The following GREB1 variants were observed in gnomAD, a reference collection of about 807,000 sequenced individuals.
The protein encoded by GREB1 is protein GREB1.
GREB1 carries 106 observed loss-of-function variants against 200.7 expected under a neutral mutation model. That is an observed-to-expected ratio of 0.53 (90% CI 0.45 to 0.62). The LOEUF is 0.62. Among genes scored for constraint, GREB1 ranks in the 20% least tolerant of loss-of-function variants. The probability of loss-of-function intolerance (pLI) is 0.00; values close to 1 mark genes in which losing one functional copy is unlikely to be tolerated. For missense variants in GREB1, 2,243 were observed against 2,556.8 expected (o/e 0.88, Z 2.65); for synonymous variants, 1,132 against 1,092.4 (o/e 1.04, Z -0.72).
intron 1 of GREB1, among the ~76,000 whole-genome samples, chr2:11,539,248 A>T (rs1470702279): frequency 6.6e-6 from 1 of 151,576 alleles, no homozygotes; most frequent in Non-Finnish European, 1.5e-5. Flanking sequence ...ATGTGGTCTC[A>T]TTATGTTGCC....
In GREB1 at chr2:11,580,818, G is replaced by A; in HGVS notation, c.887G>A (p.Arg296Gln). The A allele has an allele frequency of 3.7e-6, 6 of 1,614,226 alleles. No individual in the cohort carries two copies. Among genetic ancestry groups the A allele is most frequent in the Non-Finnish European group, 4.2e-6 (5 of 1,180,044 alleles). ...AAGAATAACCTGTTGGCCCTGCCGC[G>A]ACCATCGGCTTTAGGTAGCTCTGCC... ...LAKNNLLALP[R>Q]PSALGILSNS... The change falls in exon 7 of 33, where the codon CGA becomes CAA. Residue 296 changes from arginine to glutamine, a missense_variant. By Grantham distance (43) the Arg-to-Gln change is conservative. This residue lies in a region of GREB1 where 1,178 missense variants were observed against 1,387.4 expected (regional missense o/e 0.85). Transcript: ENST00000381486. This position sits in a 1 kb window ranked among gnomAD's most constrained non-coding sequence, Gnocchi z 4.5.
chr2:11,488,779 G>A, intron 1 of GREB1, among the ~76,000 whole-genome samples: 1 of 109,730 alleles, frequency 9.1e-6, no homozygotes, highest in Non-Finnish European at 1.8e-5. Context: ...CAACAAGAGT[G>A]AAACTCCGTC....
In GREB1 at chr2:11,604,744, G is replaced by A. The variant is rs1029181381; in HGVS notation, c.2666+2202G>A. Among the ~76,000 whole-genome samples, 12 of 152,248 alleles carry A rather than the reference G, an allele frequency of 7.9e-5. No individual in the cohort carries two copies. The East Asian group carries it at 1.9e-3, about 24-fold the overall frequency. ...AGGTTTGACATCTTTCCACCATACCGCACTGCCTTTACTAGGAATCATTTG... is the reference window on the plus strand; with the variant it reads ...AGGTTTGACATCTTTCCACCATACCACACTGCCTTTACTAGGAATCATTTG... On this transcript the variant is annotated intron_variant, in intron 17 of 32. Transcript: ENST00000381486.
intron 9 of GREB1, among the ~76,000 whole-genome samples, chr2:11,586,961 G>T (rs17529680): frequency 0.24 from 35,828 of 152,046 alleles, 5,263 homozygotes; most frequent in Admixed American, 0.38. Context: ...GAAGACCACG[G>T]TGCTCAGGAA....
chr2:11,589,194 C>T (rs184646197), intron 10 of GREB1, among the ~76,000 whole-genome samples: 1 of 152,300 alleles, frequency 6.6e-6, no homozygotes, highest in East Asian at 1.9e-4. Context: ...GGGAATTGAG[C>T]AAAGACCCTG....
intron 5 of GREB1, among the ~76,000 whole-genome samples, chr2:11,576,865 T>C (rs1678914462): frequency 6.6e-6 from 1 of 151,776 alleles, no homozygotes; most frequent in African/African-American, 2.4e-5. Context: ...GTGACACCCT[T>C]CTCTACTGAA....
intron 31 of GREB1, among the ~76,000 whole-genome samples, chr2:11,638,127 CTTTTG>C (rs971438189): frequency 4.6e-5 from 7 of 152,216 alleles, no homozygotes; most frequent in Middle Eastern, 3.4e-3. Context: ...GATGCCCAAA[CTTTTG>C]TTTGTTTGTT....
chr2:11,515,735 C>T (rs1673476830), intron 1 of GREB1, among the ~76,000 whole-genome samples: 2 of 152,352 alleles, frequency 1.3e-5, no homozygotes, highest in Non-Finnish European at 1.5e-5. Context: ...ATCAGCCCCT[C>T]CTCCGGGAAC....
At chr2:11,585,966 C>CAGGCAAA in intron 9 of GREB1, 61 bp downstream of exon 9, 2 of 1,561,952 alleles carry the variant, frequency 1.3e-6, no homozygotes, top group South Asian at 2.2e-5. Context: ...GCATGAGAAA[C>CAGGCAAA]AGGCAAAAGC....
rs756031034 is a variant in GREB1, at chr2:11,576,479, T to A, written c.581T>A (p.Val194Asp). 6.2e-7 allele frequency: 1 copy of A among 1,614,010 alleles called. No homozygotes were observed. Among genetic ancestry groups the A allele is most frequent in the Admixed American group, 1.7e-5 (1 of 60,030 alleles). ...KKQKHLKYYL[V>D]RNAQGTLTKG... ...CAGAAACACTTGAAGTATTACCTGGTCCGTAATGCACAAGGGACTCTAACC... is the reference window on the plus strand; with the variant it reads ...CAGAAACACTTGAAGTATTACCTGGACCGTAATGCACAAGGGACTCTAACC... Residue 194 changes from valine to aspartate, a missense_variant, in exon 5 of 33, where the codon GTC becomes GAC. By Grantham distance (152) the Val-to-Asp change is radical. Around this residue, in one of 3 missense-constraint regions of GREB1, gnomAD observed 1,178 missense variants for 1,387.4 expected, o/e 0.85. Transcript: ENST00000381486.
At chr2:11,612,152 C>T in intron 18 of GREB1, 1 of 219,744 alleles carries the variant, frequency 4.6e-6, no homozygotes, top group Non-Finnish European at 8.4e-6. Context: ...TGAGATTGCG[C>T]CACTGCACTC....
Position 11,495,583 on chromosome 2 carries a change from C to T in GREB1, c.-159+13202C>T, listed in dbSNP as rs570661836. ...CTTCACGTGTAACTCACTCAATCCT[C>T]ATGACAACCTTACGAGGTAGATGGG... On this transcript the variant is annotated intron_variant, in intron 1 of 2. Transcript: ENST00000628795. Among the ~76,000 whole-genome samples the T allele has an allele frequency of 8.5e-5, 13 of 152,200 alleles. No individual in the cohort carries two copies. The South Asian group carries it at 1.7e-3, about 19-fold the overall frequency.
At chr2:11,512,421 C>T (rs1025351781) in intron 1 of GREB1, among the ~76,000 whole-genome samples, 3 of 152,180 alleles carry the variant, frequency 2.0e-5, no homozygotes, top group Non-Finnish European at 4.4e-5. Context: ...TGAGTGCTTA[C>T]TATGTGCTAT....
At chr2:11,552,009 G>A (rs73191471) in intron 1 of GREB1, among the ~76,000 whole-genome samples, 3,475 of 152,302 alleles carry the variant, frequency 0.023, 130 homozygotes, top group African/African-American at 0.08. Flanking sequence ...ACTATACTCC[G>A]TCTCTCTTAC....
chr2:11,483,319 T>A (rs2148387176), intron 1 of GREB1, among the ~76,000 whole-genome samples: 1 of 93,194 alleles, frequency 1.1e-5, no homozygotes, highest in African/African-American at 3.3e-5. Context: ...CGTGTATCGG[T>A]GTGCGCGCGC....
At chr2:11,532,252 T>A (rs752377884), upstream of GREB1, among the ~76,000 whole-genome samples, 1 of 152,184 alleles carries the variant, frequency 6.6e-6, no homozygotes, top group Non-Finnish European at 1.5e-5. Flanking sequence ...CACTTATTTC[T>A]GGTAGGGGCC....
chr2:11,537,252 C>A (rs1222725191), intron 1 of GREB1, among the ~76,000 whole-genome samples: 1 of 152,196 alleles, frequency 6.6e-6, no homozygotes, highest in Non-Finnish European at 1.5e-5. Flanking sequence ...TCGTGAGCCA[C>A]CGCGCCGGCC....
In GREB1 at chr2:11,493,829, A is replaced by C. The variant is rs1420458665; in HGVS notation, c.-159+11448A>C. Among the ~76,000 whole-genome samples, 1 of 152,186 alleles carries C rather than the reference A, an allele frequency of 6.6e-6. No homozygotes were observed. The highest frequency in any genetic ancestry group is 1.5e-5 in the Non-Finnish European group (1 of 68,028). On this transcript the variant is annotated intron_variant, in intron 1 of 2. Coordinates refer to the GREB1 transcript ENST00000628795. The surrounding 1 kb of genome is among the most constrained non-coding windows in gnomAD (Gnocchi z 4.6). ...TTGCAAACTCTGACCTCTGGGGGCA[A>C]TTTGTAAACTCCAGAGATGTAAGGT...
intron 1 of GREB1, among the ~76,000 whole-genome samples, chr2:11,552,749 C>G (rs182069546): frequency 3.9e-5 from 6 of 152,140 alleles, no homozygotes; most frequent in East Asian, 1.9e-4. Context: ...CGGTGGCTCA[C>G]GCCTGTAATC....
Sources: gnomAD v4.1 joint callset for allele counts (sites outside exome capture counted in the v4.1 genomes callset) on GRCh38, gnomAD v4.1.1 for gene constraint, gnomAD v4.1.1 regional missense constraint, Gnocchi (gnomAD v3.1) non-coding constraint, MANE v1.5 for transcripts, NCBI Gene and HGNC (gene_info 2026-07-23, HGNC 2026-07-21) for gene names.